The following CEP128 variants were observed in gnomAD, a reference collection of about 807,000 sequenced individuals.
The protein encoded by CEP128 is centrosomal protein 128.
In CEP128, 132 loss-of-function variants were observed where a neutral mutation model predicts 156.7. That is an observed-to-expected ratio of 0.84 (90% CI 0.73 to 0.97). CEP128 has a LOEUF of 0.97. Ranked by LOEUF, CEP128 falls within the 50% of genes least tolerant of loss-of-function variation. The pLI is 0.00. For synonymous variants in CEP128, 469 were observed against 448.9 expected (o/e 1.04, Z -0.57); for missense variants, 1,252 against 1,281.9 (o/e 0.98, Z 0.36).
intron 2 of CEP128, among the ~76,000 whole-genome samples, chr14:80,926,221 G>A (rs1251768726): frequency 6.6e-6 from 1 of 152,142 alleles, no homozygotes; most frequent in Non-Finnish European, 1.5e-5. Flanking sequence ...GGAGGGGCAC[G>A]ACCTAAAAGC....
chr14:80,856,848 A>C (rs1024153472), intron 9 of CEP128, among the ~76,000 whole-genome samples: 1 of 145,146 alleles, frequency 6.9e-6, no homozygotes, highest in Non-Finnish European at 1.5e-5. Context: ...CTCGTGCCTC[A>C]GACTCCCAGG....
chr14:80,887,667 C>T (rs538386663), intron 8 of CEP128, among the ~76,000 whole-genome samples: 2 of 152,094 alleles, frequency 1.3e-5, no homozygotes, highest in African/African-American at 2.4e-5. Context: ...ATGCCCACAT[C>T]AGAAAGTGCA....
At chr14:80,773,614 T>A (rs1900632741) in intron 16 of CEP128, among the ~76,000 whole-genome samples, 1 of 152,172 alleles carries the variant, frequency 6.6e-6, no homozygotes, top group African/African-American at 2.4e-5. Context: ...AGGGTGCAGA[T>A]CCATATAGAT....
chr14:80,583,858 G>A (rs1307421221), intron 19 of CEP128, among the ~76,000 whole-genome samples: 1 of 152,132 alleles, frequency 6.6e-6, no homozygotes, highest in South Asian at 2.1e-4. Flanking sequence ...CAGAAACCTA[G>A]AAGAACTTTC....
intron 19 of CEP128, among the ~76,000 whole-genome samples, chr14:80,704,816 G>C (rs1897185123): frequency 6.6e-6 from 1 of 151,012 alleles, no homozygotes; most frequent in Non-Finnish European, 1.5e-5. Flanking sequence ...TCTCCCTCTT[G>C]CCTCGTTTTT....
At chr14:80,655,226 T>G (rs535541090) in intron 19 of CEP128, among the ~76,000 whole-genome samples, 1 of 152,278 alleles carries the variant, frequency 6.6e-6, no homozygotes, top group African/African-American at 2.4e-5. Flanking sequence ...AATAAAATAT[T>G]AAAACTTCCT....
chr14:80,927,070 CG>C (rs1566720398), intron 2 of CEP128, among the ~76,000 whole-genome samples: 1 of 152,192 alleles, frequency 6.6e-6, no homozygotes, highest in African/African-American at 2.4e-5. Context: ...GCCCAGAGTG[CG>C]GCAGCCCCAC....
intron 16 of CEP128, among the ~76,000 whole-genome samples, chr14:80,772,357 C>T (rs1395491996): frequency 1.3e-5 from 2 of 152,078 alleles, no homozygotes; most frequent in African/African-American, 4.8e-5. Context: ...ACACTGGGGA[C>T]GGTTGGAGAG....
chr14:80,582,247 T>C (rs892598280), intron 19 of CEP128, among the ~76,000 whole-genome samples: 17 of 152,184 alleles, frequency 1.1e-4, no homozygotes, highest in Non-Finnish European at 1.9e-4. Context: ...CAGTGTCAAC[T>C]CCAATTCACA....
At chr14:80,886,678 C>A (rs1437454104) in intron 8 of CEP128, among the ~76,000 whole-genome samples, 1 of 152,168 alleles carries the variant, frequency 6.6e-6, no homozygotes. Flanking sequence ...CAAAAACATA[C>A]CAAATTGTAA....
chr14:80,674,253 T>C (rs760390918), intron 19 of CEP128, among the ~76,000 whole-genome samples: 1 of 152,104 alleles, frequency 6.6e-6, no homozygotes, highest in African/African-American at 2.4e-5. Context: ...CTAACAGCAA[T>C]GGACACCATG....
intron 21 of CEP128, among the ~76,000 whole-genome samples, chr14:80,535,091 GTTAATC>G (rs1167145996): frequency 3.9e-5 from 6 of 152,266 alleles, no homozygotes; most frequent in Middle Eastern, 3.4e-3. Flanking sequence ...CAGATGATCA[GTTAATC>G]TTAATCCTGT....
At chr14:80,628,353 C>T (rs1471919153) in intron 19 of CEP128, among the ~76,000 whole-genome samples, 1 of 152,132 alleles carries the variant, frequency 6.6e-6, no homozygotes, top group Non-Finnish European at 1.5e-5. Flanking sequence ...GCTTGACTGG[C>T]ATGTCTTTAG....
upstream of CEP128, among the ~76,000 whole-genome samples, chr14:80,943,983 G>C (rs1342140986): frequency 1.5e-5 from 2 of 137,422 alleles, no homozygotes; most frequent in Non-Finnish European, 3.1e-5. Context: ...GACAGAGTAA[G>C]ACTCCATCTC....
intron 6 of CEP128, among the ~76,000 whole-genome samples, chr14:80,902,351 C>T (rs77319566): frequency 0.048 from 7,315 of 152,228 alleles, 209 homozygotes; most frequent in Middle Eastern, 0.079. Flanking sequence ...CTGTTCTGGG[C>T]TTCATCACAT....
chr14:80,655,156 T>C (rs191155586), intron 19 of CEP128, among the ~76,000 whole-genome samples: 6 of 152,324 alleles, frequency 3.9e-5, no homozygotes, highest in African/African-American at 1.4e-4. Flanking sequence ...ATCTAGACTC[T>C]GACTGTCAAA....
At chr14:80,812,944 T>C (rs558094671) in intron 13 of CEP128, among the ~76,000 whole-genome samples, 2 of 152,298 alleles carry the variant, frequency 1.3e-5, no homozygotes, top group South Asian at 4.1e-4. Flanking sequence ...CCTTGTGTGT[T>C]TGATTTGCAT....
At chr14:80,647,591 C>A (rs576728863) in intron 19 of CEP128, among the ~76,000 whole-genome samples, 1 of 152,030 alleles carries the variant, frequency 6.6e-6, no homozygotes, top group South Asian at 2.1e-4. Flanking sequence ...ACTTTTGAGA[C>A]CTACTGTTGC....
intron 15 of CEP128, 89 bp downstream of exon 15, chr14:80,784,806 G>C: frequency 9.0e-7 from 1 of 1,107,052 alleles, no homozygotes; most frequent in Non-Finnish European, 1.3e-6. Flanking sequence ...TGGGAATACA[G>C]AATGATCTCT....
Sources: allele counts gnomAD v4.1 joint callset (sites outside exome capture counted in the v4.1 genomes callset), GRCh38; gene constraint gnomAD v4.1.1; transcripts MANE v1.5; gene names NCBI Gene and HGNC (gene_info 2026-07-23, HGNC 2026-07-21).